Variants in CCNY observed in about 807,000 individuals in gnomAD.
CCNY encodes the protein cyclin-Y.
A neutral mutation model predicts 42.8 loss-of-function variants in CCNY; 19 were observed. The ratio of observed to expected loss-of-function variants is 0.44; its 90% CI spans 0.31 to 0.65. The LOEUF is 0.65. Ranked by LOEUF, CCNY falls within the 30% of genes least tolerant of loss-of-function variation. CCNY has a pLI of 0.07. For synonymous variants in CCNY, 165 were observed against 162.7 expected, an observed-to-expected ratio of 1.01 and a Z score of -0.11; for missense variants, 370 against 437.3, an observed-to-expected ratio of 0.85 and a Z score of 1.37.
chr10:35,411,718 C>G (rs1476040509), intron 1 of CCNY, among the ~76,000 whole-genome samples: 2 of 152,064 alleles, frequency 1.3e-5, no homozygotes, highest in Non-Finnish European at 2.9e-5. Flanking sequence ...GGAAAGAATG[C>G]AGAAACCCAA....
chr10:35,438,006 T>C (rs1564410872), intron 1 of CCNY, among the ~76,000 whole-genome samples: 1 of 152,312 alleles, frequency 6.6e-6, no homozygotes, highest in East Asian at 1.9e-4. Context: ...AGTTCTCTGC[T>C]TGGCAGCAAA....
intron 1 of CCNY, among the ~76,000 whole-genome samples, chr10:35,416,098 A>G (rs1471217533): frequency 6.6e-6 from 1 of 151,902 alleles, no homozygotes; most frequent in Non-Finnish European, 1.5e-5. Flanking sequence ...GCAGGTTATG[A>G]CACTGGTACC....
At chr10:35,522,729 A>C (rs1388128624) in intron 4 of CCNY, among the ~76,000 whole-genome samples, 1 of 152,218 alleles carries the variant, frequency 6.6e-6, no homozygotes, top group Non-Finnish European at 1.5e-5. Flanking sequence ...TGATTACCAA[A>C]AACTAAGGTG....
chr10:35,381,565 C>G (rs1328010464), intron 1 of CCNY, among the ~76,000 whole-genome samples: 1 of 69,710 alleles, frequency 1.4e-5, no homozygotes, highest in African/African-American at 5.0e-5. Flanking sequence ...GACTCCGTCT[C>G]AAAAAAAAAA....
chr10:35,403,153 T>A (rs1837680634), intron 1 of CCNY, among the ~76,000 whole-genome samples: 1 of 151,458 alleles, frequency 6.6e-6, no homozygotes, highest in African/African-American at 2.4e-5. Context: ...GCCTGAACAA[T>A]CCCTGAGGGG....
intron 3 of CCNY, among the ~76,000 whole-genome samples, chr10:35,330,932 GTA>G (rs1402798260): frequency 6.6e-6 from 1 of 152,106 alleles, no homozygotes; most frequent in Admixed American, 6.5e-5. Flanking sequence ...GCTAATTTTT[GTA>G]TGTTTAGTAG....
At chr10:35,541,490 T>C (rs1564451883) in intron 7 of CCNY, among the ~76,000 whole-genome samples, 1 of 152,236 alleles carries the variant, frequency 6.6e-6, no homozygotes, top group Non-Finnish European at 1.5e-5. Flanking sequence ...CTCAAACTCC[T>C]GTGCTCAAGT....
At chr10:35,331,963 G>A (rs968490762), upstream of CCNY, among the ~76,000 whole-genome samples, 4 of 152,058 alleles carry the variant, frequency 2.6e-5, no homozygotes, top group South Asian at 4.1e-4. Context: ...ATCCACTTTC[G>A]TATCCTCAAG....
intron 1 of CCNY, among the ~76,000 whole-genome samples, chr10:35,478,664 G>T (rs1839580119): frequency 6.6e-6 from 1 of 152,264 alleles, no homozygotes; most frequent in Admixed American, 6.5e-5. Flanking sequence ...ACTTAAATGT[G>T]AGATCTAAAA....
rs188032425 is a variant in CCNY, at chr10:35,274,058, A to C, written c.-9+23432A>C. The stretch of plus-strand genomic sequence containing the variant: ...GTCTGTTCTCAGGCTGCTTATAATA[A>C]AGACATACCTGAGACTGGGTTATTT... On this transcript the variant is annotated intron_variant, in intron 3 of 11. Coordinates refer to the CCNY transcript ENST00000374706. 2.0e-4 allele frequency among the ~76,000 whole-genome samples: 31 copies of C among 152,330 alleles called. No homozygotes were observed. The East Asian group carries it at 5.8e-3, about 28-fold the overall frequency.
intron 1 of CCNY, among the ~76,000 whole-genome samples, chr10:35,468,429 A>T (rs899132612): frequency 6.6e-6 from 1 of 152,230 alleles, no homozygotes; most frequent in East Asian, 1.9e-4. Flanking sequence ...GTGTGTCTCT[A>T]TGTGAATCCT....
chr10:35,349,814 T>A (rs1395803396), intron 1 of CCNY, among the ~76,000 whole-genome samples: 1 of 152,190 alleles, frequency 6.6e-6, no homozygotes, highest in East Asian at 1.9e-4. Flanking sequence ...TTTCCAGATG[T>A]GGCCAAATGA....
At chr10:35,259,495 GT>G (rs35988898) in intron 3 of CCNY, among the ~76,000 whole-genome samples, 147 of 65,156 alleles carry the variant, frequency 2.3e-3, no homozygotes, top group Admixed American at 3.7e-3. Flanking sequence ...AGTCCTGGTT[GT>G]TTTTTTTTTT....
At chr10:35,499,508 T>A (rs975777757) in intron 2 of CCNY, among the ~76,000 whole-genome samples, 3 of 152,244 alleles carry the variant, frequency 2.0e-5, no homozygotes, top group Admixed American at 1.3e-4. Context: ...TTGGTCGGAC[T>A]TATAGTCAGA....
At chr10:35,418,326 C>T (rs1291458787) in intron 1 of CCNY, among the ~76,000 whole-genome samples, 1 of 152,060 alleles carries the variant, frequency 6.6e-6, no homozygotes, top group Non-Finnish European at 1.5e-5. Flanking sequence ...GAAACCCCCA[C>T]CCCCGGCTTG....
intron 3 of CCNY, among the ~76,000 whole-genome samples, chr10:35,516,191 A>AGTAG (rs1840422729): frequency 6.6e-6 from 1 of 152,222 alleles, no homozygotes; most frequent in African/African-American, 2.4e-5. Context: ...TTGTTAGTTT[A>AGTAG]GTAGATCCCA....
intron 7 of CCNY, among the ~76,000 whole-genome samples, chr10:35,533,571 C>T (rs938446162): frequency 6.6e-6 from 1 of 152,136 alleles, no homozygotes; most frequent in Non-Finnish European, 1.5e-5. Flanking sequence ...GTTTGAGATG[C>T]GTCCTGCCCT....
chr10:35,277,103 C>T (rs1835248202), intron 3 of CCNY, among the ~76,000 whole-genome samples: 1 of 152,202 alleles, frequency 6.6e-6, no homozygotes, highest in Admixed American at 6.5e-5. Flanking sequence ...TTGGTGTGTG[C>T]TCTCTTTCTT....
chr10:35,373,744 G>T (rs1008923789), intron 1 of CCNY, among the ~76,000 whole-genome samples: 1 of 151,212 alleles, frequency 6.6e-6, no homozygotes, highest in African/African-American at 2.4e-5. Flanking sequence ...TTACTTTGTT[G>T]TATGAATATA....
Sources: gnomAD v4.1 joint callset for allele counts (sites outside exome capture counted in the v4.1 genomes callset) on GRCh38, gnomAD v4.1.1 for gene constraint, MANE v1.5 for transcripts, NCBI Gene and HGNC (gene_info 2026-07-23, HGNC 2026-07-21) for gene names.